Variants in BCAS3 observed in about 807,000 individuals in gnomAD.
BCAS3 encodes BCAS4/BCAS3 fusion.
BCAS3 carries 53 observed loss-of-function variants against 116.1 expected under a neutral mutation model. That is an observed-to-expected ratio of 0.46 (90% CI 0.37 to 0.57). The LOEUF (loss-of-function observed/expected upper bound fraction) is 0.57. BCAS3 is among the 20% of genes least tolerant of loss of function. BCAS3 has a pLI of 0.00. For synonymous variants in BCAS3, 391 were observed against 408.2 expected, an observed-to-expected ratio of 0.96 and a Z score of 0.51; for missense variants, 917 against 1,165.4, an observed-to-expected ratio of 0.79 and a Z score of 3.10.
At chr17:61,038,141 C>A in intron 18 of BCAS3, 87 bp downstream of exon 18, 1 of 1,182,310 alleles carries the variant, frequency 8.5e-7, no homozygotes, top group Non-Finnish European at 1.2e-6. Context: ...TTTTGACATG[C>A]ATACAGCTAC....
intron 10 of BCAS3, among the ~76,000 whole-genome samples, chr17:60,898,023 A>T (rs2057627535): frequency 6.6e-6 from 1 of 152,034 alleles, no homozygotes; most frequent in African/African-American, 2.4e-5. Context: ...TACAGGCATG[A>T]GCCACTGTAC....
At chr17:61,212,639 TTC>T (rs1568586748) in intron 22 of BCAS3, among the ~76,000 whole-genome samples, 1 of 151,784 alleles carries the variant, frequency 6.6e-6, no homozygotes, top group Admixed American at 6.6e-5. Flanking sequence ...ATATAAATAT[TTC>T]TGTGTATTCA....
intron 22 of BCAS3, among the ~76,000 whole-genome samples, chr17:61,335,625 C>T (rs968257293): frequency 6.6e-6 from 1 of 152,124 alleles, no homozygotes; most frequent in Non-Finnish European, 1.5e-5. Flanking sequence ...GGTGCAATGG[C>T]TCATCCTAGC....
Position 61,140,429 on chromosome 17 carries a change from A to C in BCAS3, c.2425+55865A>C, listed in dbSNP as rs1601534222. 6.6e-6 allele frequency among the ~76,000 whole-genome samples: 1 copy of C among 152,356 alleles called. No individual in the cohort carries two copies. The highest frequency in any genetic ancestry group is 1.9e-4 in the East Asian group (1 of 5,192). On this transcript the variant is annotated intron_variant, in intron 22 of 23. Coordinates refer to ENST00000407086, the MANE Select transcript of BCAS3 (RefSeq NM_017679.5). This position sits in a 1 kb window ranked among gnomAD's most constrained non-coding sequence, Gnocchi z 4.2. ...ATGTGGAACAGGGGACAAGAGATGG[A>C]AGGTTTTGAGTTGGGGAAAAGTATT...
At chr17:60,794,462 G>GT (rs1341668372) in intron 6 of BCAS3, among the ~76,000 whole-genome samples, 2 of 152,124 alleles carry the variant, frequency 1.3e-5, no homozygotes, top group Non-Finnish European at 2.9e-5. Flanking sequence ...TGGGTTCTTG[G>GT]TCATGATATC....
chr17:60,747,659 T>TGG (rs1158927877), intron 6 of BCAS3, among the ~76,000 whole-genome samples: 3 of 152,126 alleles, frequency 2.0e-5, no homozygotes, highest in Non-Finnish European at 4.4e-5. Context: ...CTTTCTTCTG[T>TGG]GGGTATTCCT....
intron 6 of BCAS3, among the ~76,000 whole-genome samples, chr17:60,762,560 C>G (rs2043647650): frequency 6.6e-6 from 1 of 152,118 alleles, no homozygotes; most frequent in Non-Finnish European, 1.5e-5. Context: ...TGGTCTATAT[C>G]TCTGTTTTGG....
At chr17:60,881,849 A>G (rs2056192598) in intron 9 of BCAS3, among the ~76,000 whole-genome samples, 2 of 146,458 alleles carry the variant, frequency 1.4e-5, no homozygotes, top group Non-Finnish European at 3.0e-5. Flanking sequence ...ATTGTTGGAC[A>G]TTTGGGTTGG....
At chr17:61,386,796 G>GTTT in intron 23 of BCAS3, among the ~76,000 whole-genome samples, 1 of 113,838 alleles carries the variant, frequency 8.8e-6, no homozygotes, top group Non-Finnish European at 1.9e-5. Context: ...TTTGTTTTTT[G>GTTT]TTTTTTTTTT....
chr17:61,283,554 C>T (rs914310854), intron 22 of BCAS3, among the ~76,000 whole-genome samples: 5 of 151,406 alleles, frequency 3.3e-5, no homozygotes, highest in African/African-American at 9.7e-5. Context: ...CCTGGGTTCA[C>T]GCCATTCTCC....
chr17:61,096,896 G>A (rs1394208256), intron 22 of BCAS3, among the ~76,000 whole-genome samples: 4 of 152,034 alleles, frequency 2.6e-5, no homozygotes. Flanking sequence ...CACTGTGAGC[G>A]GTATATCAAA....
intron 22 of BCAS3, among the ~76,000 whole-genome samples, chr17:61,287,241 C>G (rs901441237): frequency 2.7e-5 from 4 of 148,480 alleles, no homozygotes; most frequent in Admixed American, 1.3e-4. Context: ...GAGCCAGACT[C>G]TTAAAAAAAA....
intron 6 of BCAS3, among the ~76,000 whole-genome samples, chr17:60,792,326 C>T (rs759497353): frequency 6.6e-6 from 1 of 152,192 alleles, no homozygotes; most frequent in African/African-American, 2.4e-5. Flanking sequence ...GCTGGCACCT[C>T]GAGCTGCCCG....
chr17:60,857,346 G>A (rs1414667735), intron 7 of BCAS3, among the ~76,000 whole-genome samples: 1 of 152,074 alleles, frequency 6.6e-6, no homozygotes, highest in African/African-American at 2.4e-5. Flanking sequence ...ACTTCTTCTA[G>A]GAACTTCCCC....
At chr17:61,135,438 AC>A (rs1399551796) in intron 22 of BCAS3, among the ~76,000 whole-genome samples, 2 of 152,254 alleles carry the variant, frequency 1.3e-5, no homozygotes, top group African/African-American at 4.8e-5. Context: ...AGTATTACAA[AC>A]AAGCTAATGA....
At position 61,005,152 on chromosome 17, in the gene BCAS3, T is replaced by C. The variant is rs548963044; in HGVS notation, c.1487-10599T>C. On this transcript the variant is annotated intron_variant, in intron 15 of 23. Coordinates refer to ENST00000407086, the MANE Select transcript of BCAS3 (RefSeq NM_017679.5). The stretch of plus-strand genomic sequence containing the variant: ...TATCACTCCTCTTTGTGGTTCTTAC[T>C]GTCAAGGATCTTTTGTAAAAGTAGG... 3.3e-5 allele frequency among the ~76,000 whole-genome samples: 5 copies of C among 152,266 alleles called. No homozygotes were observed. The South Asian group carries it at 1.0e-3, about 32-fold the overall frequency.
chr17:60,857,265 T>A (rs1057065531), intron 7 of BCAS3, among the ~76,000 whole-genome samples: 2 of 152,204 alleles, frequency 1.3e-5, no homozygotes, highest in African/African-American at 4.8e-5. Flanking sequence ...ATTGCATCCT[T>A]CCTGCCTTTC....
chr17:60,839,098 TA>T (rs1445725645), intron 7 of BCAS3, among the ~76,000 whole-genome samples: 1 of 152,232 alleles, frequency 6.6e-6, no homozygotes, highest in Non-Finnish European at 1.5e-5. Flanking sequence ...TATATGTAAA[TA>T]AACTGGCAGC....
intron 22 of BCAS3, among the ~76,000 whole-genome samples, chr17:61,328,612 A>G (rs912541435): frequency 2.6e-5 from 4 of 152,122 alleles, no homozygotes; most frequent in Non-Finnish European, 4.4e-5. Context: ...CAAAAAATAT[A>G]AAATTAGCCA....
Sources: allele counts gnomAD v4.1 joint callset (sites outside exome capture counted in the v4.1 genomes callset), GRCh38; gene constraint gnomAD v4.1.1; non-coding constraint Gnocchi (gnomAD v3.1); transcripts MANE v1.5; gene names NCBI Gene and HGNC (gene_info 2026-07-23, HGNC 2026-07-21).